The following IMPG1 variants were observed in gnomAD, a reference collection of about 807,000 sequenced individuals.
IMPG1 encodes the protein interphotoreceptor matrix proteoglycan of 150 kDa.
In IMPG1, 85 loss-of-function variants were observed where a neutral mutation model predicts 92.0. The observed-to-expected ratio is 0.92, with a 90% CI of 0.78 to 1.11. The LOEUF (loss-of-function observed/expected upper bound fraction) is 1.11. Ranked by LOEUF, IMPG1 falls within the 50% of genes least tolerant of loss-of-function variation. The pLI is 0.00. For missense variants in IMPG1, 1,022 were observed against 956.0 expected (o/e 1.07, Z -0.91); for synonymous variants, 367 against 334.1 (o/e 1.10, Z -1.08).
chr6:75,962,022 T>C (rs961872647), intron 12 of IMPG1, among the ~76,000 whole-genome samples: 3 of 152,160 alleles, frequency 2.0e-5, no homozygotes, highest in Non-Finnish European at 4.4e-5. Context: ...AGGTGTAAAA[T>C]GCAACCAGTT....
intron 12 of IMPG1, among the ~76,000 whole-genome samples, chr6:75,963,805 C>T (rs533968958): frequency 5.3e-5 from 8 of 152,188 alleles, no homozygotes; most frequent in Non-Finnish European, 7.3e-5. Flanking sequence ...ATGGACCTCA[C>T]TGACAAAGAG....
At chr6:75,944,534 C>A (rs1319981504) in intron 14 of IMPG1, among the ~76,000 whole-genome samples, 1 of 152,200 alleles carries the variant, frequency 6.6e-6, no homozygotes, top group East Asian at 1.9e-4. Flanking sequence ...TTAAGACAAG[C>A]ATCACTATGT....
intron 12 of IMPG1, among the ~76,000 whole-genome samples, chr6:75,980,651 C>T (rs1782611632): frequency 6.6e-6 from 1 of 152,170 alleles, no homozygotes; most frequent in African/African-American, 2.4e-5. Flanking sequence ...CCAAGTTCTT[C>T]AGCTTTTGGA....
chr6:75,964,463 G>A (rs1782267987), intron 12 of IMPG1, among the ~76,000 whole-genome samples: 1 of 152,074 alleles, frequency 6.6e-6, no homozygotes, highest in Non-Finnish European at 1.5e-5. Flanking sequence ...CAGATCTTGA[G>A]GTCAGGAGTT....
intron 11 of IMPG1, 90 bp downstream of exon 11, chr6:76,003,784 G>C (rs1783041827): frequency 1.1e-6 from 1 of 941,806 alleles, no homozygotes. Context: ...AGGGGATTTT[G>C]CTCTGTTCAT....
At chr6:75,986,633 A>G (rs2149471573) in intron 12 of IMPG1, among the ~76,000 whole-genome samples, 1 of 152,320 alleles carries the variant, frequency 6.6e-6, no homozygotes, top group Middle Eastern at 3.4e-3. Context: ...GGTTATCAAT[A>G]ATGAAGGCTG....
At chr6:76,062,825 A>G (rs553066329) in intron 1 of IMPG1, among the ~76,000 whole-genome samples, 13 of 151,416 alleles carry the variant, frequency 8.6e-5, no homozygotes, top group Admixed American at 7.3e-4. Context: ...TACTTATGAA[A>G]TAAAAAGCCC....
chr6:76,042,364 C>A (rs1372421063), intron 1 of IMPG1, among the ~76,000 whole-genome samples: 2 of 152,066 alleles, frequency 1.3e-5, no homozygotes, highest in Non-Finnish European at 2.9e-5. Flanking sequence ...AATCATCTTG[C>A]CTTTAGGAAC....
At chr6:75,956,004 G>A (rs117600392) in intron 12 of IMPG1, among the ~76,000 whole-genome samples, 1,632 of 152,234 alleles carry the variant, frequency 0.011, 16 homozygotes, top group Non-Finnish European at 0.017. Context: ...CAGTTTGTCC[G>A]GATTTTATTG....
At chr6:76,033,940 G>A (rs1783692579) in intron 4 of IMPG1, among the ~76,000 whole-genome samples, 1 of 152,118 alleles carries the variant, frequency 6.6e-6, no homozygotes. Context: ...CAAAATTCAA[G>A]TTGTTCTTTG....
In IMPG1 at chr6:75,947,532, A is replaced by G; in HGVS notation, c.1826T>C (p.Leu609Pro). The change falls in exon 14 of 17, where the codon CTG (leucine) becomes CCG (proline). Residue 609 changes from leucine to proline, a missense_variant and splice_region_variant. Coordinates refer to ENST00000369950, the MANE Select transcript of IMPG1 (RefSeq NM_001563.4). Reference protein sequence around the residue: ...RALEQQFTQLLVPYLRSNLTG... With the variant: ...RALEQQFTQLPVPYLRSNLTG... ...AAGATTGGATCGTAGATATGGAACC[A>G]GCTGCAAAATAAAAGATGGTTTCCT... The G allele has an allele frequency of 6.2e-7, 1 of 1,610,598 alleles. No homozygotes were observed. The highest frequency in any genetic ancestry group is 8.5e-7 in the Non-Finnish European group (1 of 1,177,434).
chr6:75,923,388 G>T (rs1287082767), intron 16 of IMPG1, among the ~76,000 whole-genome samples: 1 of 152,024 alleles, frequency 6.6e-6, no homozygotes, highest in Admixed American at 6.6e-5. Flanking sequence ...TATAAGAAAA[G>T]ATTGGAAATA....
At chr6:76,036,700 T>C (rs908650459) in intron 2 of IMPG1, among the ~76,000 whole-genome samples, 1 of 152,186 alleles carries the variant, frequency 6.6e-6, no homozygotes, top group Non-Finnish European at 1.5e-5. Context: ...AATGTGAATG[T>C]GTGGAGAAAA....
intron 14 of IMPG1, among the ~76,000 whole-genome samples, chr6:75,943,543 T>C (rs1781872040): frequency 1.3e-5 from 2 of 152,356 alleles, no homozygotes; most frequent in African/African-American, 2.4e-5. Flanking sequence ...CAGAAGCAGA[T>C]GCTGGTGCCT....
At chr6:75,950,385 T>C (rs1782002523) in intron 13 of IMPG1, among the ~76,000 whole-genome samples, 177 bp downstream of exon 13, 1 of 152,172 alleles carries the variant, frequency 6.6e-6, no homozygotes, top group Admixed American at 6.5e-5. Context: ...AGAACTCACT[T>C]CCCCAGTTGG....
intron 12 of IMPG1, among the ~76,000 whole-genome samples, chr6:75,990,150 G>T (rs1303283032): frequency 6.6e-6 from 1 of 152,166 alleles, no homozygotes; most frequent in Non-Finnish European, 1.5e-5. Context: ...AGTATGGCGA[G>T]TTTTGGAAAT....
chr6:75,939,975 T>C (rs150348815), intron 14 of IMPG1, among the ~76,000 whole-genome samples: 170 of 152,358 alleles, frequency 1.1e-3, no homozygotes, highest in Non-Finnish European at 1.9e-3. Flanking sequence ...TGATGACCTT[T>C]GAACTGTCCA....
At chr6:75,995,402 C>A (rs1458408471) in intron 12 of IMPG1, among the ~76,000 whole-genome samples, 1 of 152,160 alleles carries the variant, frequency 6.6e-6, no homozygotes, top group Non-Finnish European at 1.5e-5. Flanking sequence ...TCACCATTTT[C>A]TCTCCAAATT....
chr6:75,975,617 C>A (rs1032334507), intron 12 of IMPG1, among the ~76,000 whole-genome samples: 13 of 152,152 alleles, frequency 8.5e-5, no homozygotes, highest in African/African-American at 2.4e-4. Context: ...CATCGATTTT[C>A]CTTCTGTGAA....
Sources: gnomAD v4.1 joint callset for allele counts (sites outside exome capture counted in the v4.1 genomes callset) on GRCh38, gnomAD v4.1.1 for gene constraint, MANE v1.5 for transcripts, NCBI Gene and HGNC (gene_info 2026-07-23, HGNC 2026-07-21) for gene names.